Variants in ZBTB17 observed in about 807,000 individuals in gnomAD.
The protein encoded by ZBTB17 is zinc finger and BTB domain containing 17.
ZBTB17 carries 24 observed loss-of-function variants against 85.1 expected under a neutral mutation model. That is an observed-to-expected ratio of 0.28 (90% CI 0.20 to 0.40). The LOEUF is 0.40. Among genes scored for constraint, ZBTB17 ranks in the 10% least tolerant of loss-of-function variants. ZBTB17 has a pLI of 1.00. For missense variants in ZBTB17, 743 were observed against 1,105.1 expected, an observed-to-expected ratio of 0.67 and a Z score of 4.65; for synonymous variants, 464 against 460.2, an observed-to-expected ratio of 1.01 and a Z score of -0.11.
rs1184788170 is a variant in ZBTB17 at position 15,951,182 on chromosome 1, A to G, written c.-2-2685T>C. ...GTTAGGAGGAGAAACAGAGGCGTCT[A>G]TAATCCTCTGAGGCTGCCCCAGCAG... is the stretch of plus-strand genomic sequence containing the variant. On this transcript the variant is annotated intron_variant, in intron 2 of 15. Transcript: ENST00000375743. This position sits in a 1 kb window ranked among gnomAD's most constrained non-coding sequence, Gnocchi z 4.1. 2.6e-5 allele frequency among the ~76,000 whole-genome samples: 4 copies of G among 152,300 alleles called. No individual in the cohort carries two copies. Among genetic ancestry groups the G allele is most frequent in the Non-Finnish European group, 1.5e-5 (1 of 68,024 alleles).
At chr1:15,959,969 T>C (rs932291231) in intron 2 of ZBTB17, among the ~76,000 whole-genome samples, 1 of 152,146 alleles carries the variant, frequency 6.6e-6, no homozygotes, top group African/African-American at 2.4e-5. Flanking sequence ...AGAGAATCAA[T>C]GTATCACTCA....
chr1:15,943,971 AG>A (rs766119994), intron 9 of ZBTB17, 76 bp from the exon 10 acceptor site: 27 of 1,382,408 alleles, frequency 2.0e-5, no homozygotes, highest in African/African-American at 2.9e-5. Context: ...CCTCCCACAA[AG>A]GAACAATTGA....
intron 2 of ZBTB17, among the ~76,000 whole-genome samples, chr1:15,961,894 C>T (rs947478255): frequency 3.9e-5 from 6 of 152,218 alleles, no homozygotes; most frequent in African/African-American, 1.4e-4. Context: ...GTATATTTTA[C>T]GATGTTAATA....
chr1:15,945,113 T>G lies in ZBTB17; in HGVS notation c.751A>C (p.Lys251Gln), dbSNP rs746149935. The G allele has an allele frequency of 6.2e-7, 1 of 1,608,218 alleles. No individual in the cohort carries two copies. Among genetic ancestry groups the G allele is most frequent in the East Asian group, 2.2e-5 (1 of 44,736 alleles). ...TTCTCCAGCTGGGAACCCTCCTCCT[T>G]GACCTCAGCTGGCCCTGCGCCCTCC... The part of the protein sequence containing the change: ...EEEGAGPAEV[K>Q]EEGSQLENGE... The change falls in exon 7 of 16, where the codon AAG (lysine) becomes CAG (glutamine). Residue 251 changes from lysine (K) to glutamine (Q), a missense_variant. By Grantham distance (53) the Lys-to-Gln change is moderately conservative. Around this residue, in one of 4 missense-constraint regions of ZBTB17, gnomAD observed 279 missense variants for 269.9 expected, o/e 1.03. Coordinates refer to ENST00000375743, the MANE Select transcript of ZBTB17 (RefSeq NM_003443.3).
At chr1:15,969,774 G>A in intron 2 of ZBTB17, 2 of 505,198 alleles carry the variant, frequency 4.0e-6, no homozygotes, top group South Asian at 3.2e-5. Flanking sequence ...GTCAAACAAT[G>A]CGTGGACGAG....
intron 4 of ZBTB17, 91 bp from the exon 5 acceptor site, chr1:15,946,385 C>T (rs2071615034): frequency 2.6e-6 from 4 of 1,544,226 alleles, no homozygotes; most frequent in Admixed American, 1.8e-5. Flanking sequence ...AGGTCTTCCT[C>T]GTCCTCCCTA....
In ZBTB17 at chr1:15,943,906, G is replaced by C. The variant is rs1459597570; in HGVS notation, c.1372-11C>G. 6.3e-7 allele frequency: 1 copy of C among 1,583,678 alleles called. No individual in the cohort carries two copies. On this transcript the variant is annotated splice_polypyrimidine_tract_variant and intron_variant, in intron 9 of 15. Transcript: ENST00000375743. ...CTTCAGGTTCCCTACCTGTGCCCAG[G>C]GAGGGGTCAGGGGGGCCACCCCACA...
intron 2 of ZBTB17, among the ~76,000 whole-genome samples, chr1:15,959,649 G>A (rs1175001597): frequency 6.6e-6 from 1 of 150,602 alleles, no homozygotes. Context: ...GGGAGGGAGG[G>A]AGGTCCCAGC....
Position 15,947,162 on chromosome 1 carries a change from G to A in ZBTB17, c.206-39C>T, listed in dbSNP as rs199883323. The stretch of plus-strand genomic sequence containing the variant: ...GACAGCTGTCACAGACCCACCTCAA[G>A]ATCCGGCACCGGCAGCCTGCCCCAC... On this transcript the variant is annotated intron_variant, in intron 3 of 15. Transcript: ENST00000375743. The A allele has an allele frequency of 3.2e-6, 5 of 1,572,722 alleles. No homozygotes were observed. In the East Asian group the frequency reaches 1.2e-4, roughly 36 times the overall value.
At chr1:15,974,019 A>T (rs1474765755) in intron 1 of ZBTB17, among the ~76,000 whole-genome samples, 1 of 151,930 alleles carries the variant, frequency 6.6e-6, no homozygotes, top group African/African-American at 2.4e-5. Flanking sequence ...GTGAGACCCC[A>T]TCTCTACTAA....
chr1:15,943,969 AAAGG>A (rs1477184884), intron 9 of ZBTB17, 74 bp from the exon 10 acceptor site: 12 of 1,396,706 alleles, frequency 8.6e-6, no homozygotes, highest in Admixed American at 5.9e-5. Context: ...CCCCTCCCAC[AAAGG>A]AACAATTGAC....
intron 1 of ZBTB17, among the ~76,000 whole-genome samples, chr1:15,974,073 C>A (rs530280129): frequency 3.3e-5 from 5 of 152,100 alleles, no homozygotes; most frequent in Non-Finnish European, 1.5e-5. Flanking sequence ...CGCCTGTAGT[C>A]CCAGCTAGTT....
chr1:15,957,036 C>A (rs763459117), intron 2 of ZBTB17, among the ~76,000 whole-genome samples: 3 of 151,838 alleles, frequency 2.0e-5, no homozygotes, highest in Non-Finnish European at 4.4e-5. Flanking sequence ...AAAAATTAGC[C>A]GGGCATGGTG....
chr1:15,960,934 G>A (rs1570175616), intron 2 of ZBTB17, among the ~76,000 whole-genome samples: 1 of 152,220 alleles, frequency 6.6e-6, no homozygotes, highest in Non-Finnish European at 1.5e-5. Flanking sequence ...GCAACATGGT[G>A]AGACCCCATC....
In ZBTB17 at chr1:15,945,114, G is replaced by T. The variant is rs770136720; in HGVS notation, c.750C>A (p.Val250=). ...TCTCCAGCTGGGAACCCTCCTCCTTGACCTCAGCTGGCCCTGCGCCCTCCT... is the reference window on the plus strand; with the variant it reads ...TCTCCAGCTGGGAACCCTCCTCCTTTACCTCAGCTGGCCCTGCGCCCTCCT... ...QEEEGAGPAE[V]KEEGSQLENG... is the part of the protein sequence containing the mutation. The change falls in exon 7 of 16, where the codon GTC becomes GTA. Residue 250 remains valine (V), a synonymous_variant. Transcript: ENST00000375743. 1.2e-6 allele frequency: 2 copies of T among 1,608,100 alleles called. No individual in the cohort carries two copies. The highest frequency in any genetic ancestry group is 8.5e-7 in the Non-Finnish European group (1 of 1,177,540).
intron 2 of ZBTB17, among the ~76,000 whole-genome samples, chr1:15,965,912 C>T (rs577871697): frequency 2.0e-5 from 3 of 152,148 alleles, no homozygotes; most frequent in African/African-American, 4.8e-5. Flanking sequence ...TGACTTGGGC[C>T]GGGTGAGATC....
chr1:15,942,982 TG>T (rs57569573), intron 13 of ZBTB17, 81 bp downstream of exon 13: 3 of 1,575,000 alleles, frequency 1.9e-6, no homozygotes, highest in Non-Finnish European at 2.6e-6. Context: ...GGCTGGGGTC[TG>T]GGGGGTCCCT....
intron 2 of ZBTB17, among the ~76,000 whole-genome samples, chr1:15,971,317 CTCTG>C (rs1165149560): frequency 6.6e-5 from 10 of 150,464 alleles, no homozygotes; most frequent in Admixed American, 4.7e-4. Flanking sequence ...CTCTCTCTCT[CTCTG>C]TATGTGTGTA....
chr1:15,954,925 C>T (rs776613973), intron 2 of ZBTB17, among the ~76,000 whole-genome samples: 28 of 152,166 alleles, frequency 1.8e-4, no homozygotes, highest in Admixed American at 4.6e-4. Flanking sequence ...GAGGCCGAGG[C>T]TGGCGGATCA....
Sources: allele counts gnomAD v4.1 joint callset (sites outside exome capture counted in the v4.1 genomes callset), GRCh38; gene constraint gnomAD v4.1.1; regional missense constraint gnomAD v4.1.1; non-coding constraint Gnocchi (gnomAD v3.1); transcripts MANE v1.5; gene names NCBI Gene and HGNC (gene_info 2026-07-23, HGNC 2026-07-21).